THEM5: variants seen among roughly 807,000 people sequenced by gnomAD.
THEM5 encodes the protein thioesterase superfamily member 5, also known as acyl-coenzyme A thioesterase THEM5.
A neutral mutation model predicts 24.2 loss-of-function variants in THEM5; 28 were observed. The ratio of observed to expected loss-of-function variants is 1.16; its 90% confidence interval spans 0.86 to 1.59. The LOEUF (loss-of-function observed/expected upper bound fraction) is 1.59. Among genes scored for constraint, THEM5 ranks in the 40% most tolerant of loss-of-function variants. The pLI is 0.00. For synonymous variants in THEM5, 87 were observed against 114.5 expected (o/e 0.76, Z 1.53); for missense variants, 260 against 296.8 (o/e 0.88, Z 0.91).
At chr1:151,847,553 G>T in intron 5 of THEM5, 139 bp from the exon 6 acceptor site, 1 of 1,371,390 alleles carries the variant, frequency 7.3e-7, no homozygotes, top group Non-Finnish European at 1.0e-6. Flanking sequence ...CTCATATATA[G>T]AAAAAAAAAT....
chr1:151,849,836 C>T lies in THEM5; in HGVS notation c.464+1217G>A, dbSNP rs146253621. Among the ~76,000 whole-genome samples, 458 of 152,276 alleles carry T rather than the reference C, an allele frequency of 3.0e-3. 3 individuals are homozygous for T. Among genetic ancestry groups the T allele is most frequent in the African/African-American group, 0.011 (446 of 41,572 alleles). ...ACTCCTCCTTCCCACTCCCCATGGT[C>T]TAGGGGCCTGGTGGATACTAATCTC... is the stretch of plus-strand genomic sequence containing the variant. On this transcript the variant is annotated intron_variant, in intron 3 of 5. Transcript: ENST00000368817.
At chr1:151,849,393 A>AGTCCCT (rs2101698815) in intron 3 of THEM5, among the ~76,000 whole-genome samples, 1 of 152,328 alleles carries the variant, frequency 6.6e-6, no homozygotes, top group South Asian at 2.1e-4. Context: ...CCACAGAGCC[A>AGTCCCT]GATCAGCTGT....
Position 151,847,598 on chromosome 1 carries a change from C to A in THEM5, c.700+140G>T, listed in dbSNP as rs368571603. ...GCTCTCCCTTGCTTCATCTGTGTCCCTAGTAGGTGCCCTATCCCACCCCTA... is the reference window on the plus strand; with the variant it reads ...GCTCTCCCTTGCTTCATCTGTGTCCATAGTAGGTGCCCTATCCCACCCCTA... On this transcript the variant is annotated intron_variant, in intron 5 of 5. Transcript: ENST00000368817. 2.5e-5 allele frequency: 34 copies of A among 1,361,722 alleles called. No homozygotes were observed. The East Asian group carries it at 3.9e-4, about 16-fold the overall frequency. 84.4% of individuals were successfully genotyped at this position (1,361,722 alleles called of 1,614,324 possible).
At position 151,853,603 on chromosome 1, in the gene THEM5, G is replaced by T; in HGVS notation, c.-38C>A. On this transcript the variant is annotated 5_prime_UTR_variant, in exon 1 of 6. Coordinates refer to ENST00000368817, the MANE Select transcript of THEM5 (RefSeq NM_182578.4). ...GGATCCAGCCCTGCTTGGATGGAGG[G>T]TCTTGGCTGACTCCCAAGGAGTGCT... 6.3e-7 allele frequency: 1 copy of T among 1,580,948 alleles called. No individual in the cohort carries two copies. Among genetic ancestry groups the T allele is most frequent in the Non-Finnish European group, 8.6e-7 (1 of 1,162,548 alleles).
intron 4 of THEM5, 41 bp downstream of exon 4, chr1:151,848,141 G>T: frequency 1.3e-6 from 2 of 1,595,176 alleles, no homozygotes; most frequent in South Asian, 1.1e-5. Flanking sequence ...GGGATGAAAA[G>T]GTCTGTGACT....
At chr1:151,849,632 C>T (rs1653050454) in intron 3 of THEM5, among the ~76,000 whole-genome samples, 1 of 152,212 alleles carries the variant, frequency 6.6e-6, no homozygotes, top group Admixed American at 6.5e-5. Context: ...TGTTTGCAAA[C>T]ATAATTTACA....
At position 151,852,363 on chromosome 1, in the gene THEM5, GA is replaced by G. The variant is rs1191499564; in HGVS notation, c.219del (p.Leu74TrpfsTer92). The G allele has an allele frequency of 1.9e-6, 3 of 1,614,150 alleles. No homozygotes were observed. In the Admixed American group the frequency reaches 5.0e-5, roughly 27 times the overall value. On this transcript the variant is annotated frameshift_variant, in exon 2 of 6. Transcript: ENST00000368817. LOFTEE classifies it high-confidence loss of function. ...CSDMLSLYQE[F>X]LEKTKSSGWI... is the part of the protein sequence containing the mutation. ...CAGCCGCTAGACTTAGTCTTCTCCAGAAATTCTTGGTACAGGCTCAGCATGT... is the reference window on the plus strand; with the variant it reads ...CAGCCGCTAGACTTAGTCTTCTCCAGAATTCTTGGTACAGGCTCAGCATGT...
chr1:151,848,327 G>C, intron 3 of THEM5, 35 bp from the exon 4 acceptor site: 2 of 1,549,378 alleles, frequency 1.3e-6, no homozygotes, highest in Non-Finnish European at 1.8e-6. Context: ...CAAGGCCTGG[G>C]CTGGGGCTGC....
intron 2 of THEM5, among the ~76,000 whole-genome samples, chr1:151,851,929 C>T (rs772613797): frequency 1.3e-5 from 2 of 151,850 alleles, no homozygotes; most frequent in African/African-American, 2.4e-5. Flanking sequence ...GGGGTTGGGG[C>T]GGAAGGCTTG....
At position 151,847,706 on chromosome 1, in the gene THEM5, G is replaced by A. The variant is rs189491555; in HGVS notation, c.700+32C>T. 1.0e-4 allele frequency: 167 copies of A among 1,611,266 alleles called. No individual in the cohort carries two copies. The African/African-American group carries it at 2.0e-3, about 19-fold the overall frequency. ...TTCTGGGGGTGGGTGGTGGTGGGAC[G>A]GGGCCTGGGGCTGGGCTGGGGGCTC... On this transcript the variant is annotated intron_variant, in intron 5 of 5. Transcript: ENST00000368817.
chr1:151,852,355 C>T lies in THEM5; in HGVS notation c.228G>A (p.Lys76=). 1 of 1,614,154 alleles carries T rather than the reference C, an allele frequency of 6.2e-7. No individual in the cohort carries two copies. Among genetic ancestry groups the T allele is most frequent in the African/African-American group, 1.3e-5 (1 of 75,034 alleles). Residue 76 remains lysine (K), a synonymous_variant, in exon 2 of 6, where the codon AAG becomes AAA. Coordinates refer to ENST00000368817, the MANE Select transcript of THEM5 (RefSeq NM_182578.4). ...GCTTGATCCAGCCGCTAGACTTAGT[C>T]TTCTCCAGAAATTCTTGGTACAGGC... The part of the protein sequence containing the change: ...MLSLYQEFLE[K]TKSSGWIKLP...
chr1:151,853,054 G>T (rs1653169695), intron 1 of THEM5, among the ~76,000 whole-genome samples: 1 of 152,216 alleles, frequency 6.6e-6, no homozygotes, highest in South Asian at 2.1e-4. Flanking sequence ...GTGCCCATCT[G>T]TGTGACGTAA....
At chr1:151,853,055 T>C (rs1653169748) in intron 1 of THEM5, among the ~76,000 whole-genome samples, 1 of 152,210 alleles carries the variant, frequency 6.6e-6, no homozygotes, top group South Asian at 2.1e-4. Context: ...TGCCCATCTG[T>C]GTGACGTAAG....
rs144070380 is a variant in THEM5, at chr1:151,851,310, G to C, written c.326-119C>G. 6.2e-3 allele frequency: 8,297 copies of C among 1,341,876 alleles called. 39 individuals carry two copies. Among genetic ancestry groups the C allele is most frequent in the Non-Finnish European group, 7.3e-3 (6,961 of 959,672 alleles). 83.1% of individuals were successfully genotyped at this position (1,341,876 alleles called of 1,614,324 possible). A position where few individuals can be genotyped will look rare whatever the true frequency, so the allele number is the denominator to read the frequency against. ...AAGGAGAGAAAACCAGAGGACACCA[G>C]GTCCACCCCCAGGGAGCCTTCCCTC... On this transcript the variant is annotated intron_variant, in intron 2 of 5. Transcript: ENST00000368817.
intron 1 of THEM5, 85 bp from the exon 2 acceptor site, chr1:151,852,544 G>A: frequency 7.8e-7 from 1 of 1,282,456 alleles, no homozygotes; most frequent in Non-Finnish European, 1.1e-6. Context: ...AGCTGTTCCT[G>A]GGTGCTGGGG....
intron 1 of THEM5, among the ~76,000 whole-genome samples, 163 bp from the exon 2 acceptor site, chr1:151,852,622 C>T (rs548827462): frequency 1.1e-4 from 17 of 151,866 alleles, no homozygotes; most frequent in African/African-American, 3.9e-4. Flanking sequence ...AGGGGGGCTG[C>T]GGACCCCTAT....
At chr1:151,848,118 A>AT in intron 4 of THEM5, 64 bp downstream of exon 4, 10 of 1,549,580 alleles carry the variant, frequency 6.5e-6, no homozygotes, top group Non-Finnish European at 8.9e-6. Flanking sequence ...GCTGCCGAGG[A>AT]TGGCCACTTC....
chr1:151,851,242 G>C, intron 2 of THEM5, 51 bp from the exon 3 acceptor site: 4 of 1,610,768 alleles, frequency 2.5e-6, no homozygotes, highest in Non-Finnish European at 3.4e-6. Flanking sequence ...GTATGGTCAG[G>C]ATGCAGCACC....
At chr1:151,847,592 G>T in intron 5 of THEM5, 146 bp downstream of exon 5, 1 of 1,337,624 alleles carries the variant, frequency 7.5e-7, no homozygotes, top group Non-Finnish European at 1.1e-6. Context: ...TGCTTCATCT[G>T]TGTCCCTAGT....
Sources: gnomAD v4.1 joint callset for allele counts (sites outside exome capture counted in the v4.1 genomes callset) on GRCh38, gnomAD v4.1.1 for gene constraint, MANE v1.5 for transcripts, NCBI Gene and HGNC (gene_info 2026-07-23, HGNC 2026-07-21) for gene names.